Variants in DPP10 observed in about 807,000 individuals in gnomAD.
The protein encoded by DPP10 is inactive dipeptidyl peptidase 10.
DPP10 carries 33 observed loss-of-function variants against 120.9 expected under a neutral mutation model. The ratio of observed to expected loss-of-function variants is 0.27; its 90% CI spans 0.21 to 0.37. The LOEUF (loss-of-function observed/expected upper bound fraction) is 0.37, where lower values mean the gene tolerates loss of function less well. DPP10 is among the 10% of genes least tolerant of loss of function. The pLI is 1.00. For missense variants in DPP10, 816 were observed against 942.8 expected, an observed-to-expected ratio of 0.87 and a Z score of 1.76; for synonymous variants, 337 against 326.1, an observed-to-expected ratio of 1.03 and a Z score of -0.36.
chr2:115,791,949 A>T (rs1684037460), intron 19 of DPP10, among the ~76,000 whole-genome samples: 1 of 152,178 alleles, frequency 6.6e-6, no homozygotes, highest in Admixed American at 6.5e-5. Flanking sequence ...TGAGAGTTAT[A>T]AGTTATTTCC....
chr2:115,733,866 G>A (rs1482073412), intron 8 of DPP10, among the ~76,000 whole-genome samples: 5 of 152,126 alleles, frequency 3.3e-5, no homozygotes, highest in Non-Finnish European at 7.4e-5. Flanking sequence ...AAACGATGAA[G>A]AGCCAAACGT....
At chr2:115,396,339 C>T (rs567636914) in intron 3 of DPP10, among the ~76,000 whole-genome samples, 6 of 152,222 alleles carry the variant, frequency 3.9e-5, no homozygotes, top group East Asian at 3.9e-4. Context: ...AAATACTGTC[C>T]GAGTATATTA....
At chr2:115,394,954 G>A (rs1364181770) in intron 3 of DPP10, among the ~76,000 whole-genome samples, 1 of 152,170 alleles carries the variant, frequency 6.6e-6, no homozygotes, top group Admixed American at 6.5e-5. Flanking sequence ...ATAATTTGAT[G>A]ATGGAAAAAT....
intron 19 of DPP10, 101 bp downstream of exon 19, chr2:115,791,457 G>A: frequency 9.7e-7 from 1 of 1,029,658 alleles, no homozygotes; most frequent in Non-Finnish European, 1.4e-6. Context: ...GAAGTCCTAT[G>A]TGTGTAGTTA....
At chr2:115,171,875 ATGCATCTTCTGTACTT>A (rs747734973) in intron 1 of DPP10, among the ~76,000 whole-genome samples, 3 of 152,182 alleles carry the variant, frequency 2.0e-5, no homozygotes, top group Non-Finnish European at 4.4e-5. Context: ...AGAAGTGCAT[ATGCATCTTCTGTACTT>A]TGCCATGGCA....
rs1322910893 is a variant in DPP10 at position 115,842,467 on chromosome 2, G to A, written c.*122G>A. 3 of 1,195,056 alleles carry A rather than the reference G, an allele frequency of 2.5e-6. No homozygotes were observed. The highest frequency in any genetic ancestry group is 2.2e-5 in the Admixed American group (1 of 44,678). 74.0% of individuals were successfully genotyped at this position (1,195,056 alleles called of 1,614,324 possible). A position where few individuals can be genotyped will look rare whatever the true frequency, so the allele number is the denominator to read the frequency against. On this transcript the variant is annotated 3_prime_UTR_variant, in exon 26 of 26. Coordinates refer to ENST00000410059, the MANE Select transcript of DPP10 (RefSeq NM_020868.6). Reference sequence around the variant, plus strand: ...AGCTTACGGAGATGTCACTGGAGCAGCACGCTCAGAGACAGTGAACTAGCA... The same window carrying A: ...AGCTTACGGAGATGTCACTGGAGCAACACGCTCAGAGACAGTGAACTAGCA...
At chr2:115,533,359 C>G (rs2078591200) in intron 5 of DPP10, among the ~76,000 whole-genome samples, 2 of 152,074 alleles carry the variant, frequency 1.3e-5, no homozygotes, top group Non-Finnish European at 2.9e-5. Flanking sequence ...TATCTGTCCT[C>G]TAAATTCGAT....
chr2:115,759,263 A>G (rs2149780414), intron 11 of DPP10, among the ~76,000 whole-genome samples: 1 of 152,218 alleles, frequency 6.6e-6, no homozygotes, highest in East Asian at 1.9e-4. Context: ...CATATGAAAA[A>G]GTACTCAACA....
intron 1 of DPP10, among the ~76,000 whole-genome samples, chr2:114,748,357 T>TTTTTG (rs1553418241): frequency 7.9e-6 from 1 of 126,602 alleles, no homozygotes; most frequent in Non-Finnish European, 1.6e-5. Flanking sequence ...TTTTATTTTT[T>TTTTTG]TTTATTTTAT....
intron 1 of DPP10, among the ~76,000 whole-genome samples, chr2:115,272,927 T>C (rs1181506271): frequency 6.6e-6 from 1 of 152,242 alleles, no homozygotes; most frequent in East Asian, 1.9e-4. Flanking sequence ...CAAACATTAC[T>C]TCAATCAGAT....
chr2:114,568,941 G>T (rs1246298541), intron 1 of DPP10, among the ~76,000 whole-genome samples: 3 of 152,100 alleles, frequency 2.0e-5, no homozygotes, highest in African/African-American at 7.2e-5. Flanking sequence ...TACATAAATA[G>T]AATTTATGTG....
Position 114,681,679 on chromosome 2 carries a change from A to G in DPP10, c.60+238841A>G, listed in dbSNP as rs1004147648. ...AAAAAAGAAGAAAATGCTTTGAAAG[A>G]ATACATTTTACAAAGCCGGTAGTAG... On this transcript the variant is annotated intron_variant, in intron 1 of 25. Coordinates refer to ENST00000410059, the MANE Select transcript of DPP10 (RefSeq NM_020868.6). Among the ~76,000 whole-genome samples, 15 of 152,150 alleles carry G rather than the reference A, an allele frequency of 9.9e-5. 1 individual carries two copies. Among genetic ancestry groups the G allele is most frequent in the South Asian group, 2.1e-4 (1 of 4,824 alleles).
chr2:115,467,733 A>G (rs1409137267), intron 3 of DPP10, among the ~76,000 whole-genome samples: 1 of 152,232 alleles, frequency 6.6e-6, no homozygotes, highest in Non-Finnish European at 1.5e-5. Context: ...TATTATTAGA[A>G]TAATGACACT....
intron 1 of DPP10, among the ~76,000 whole-genome samples, chr2:114,499,454 A>T (rs974045509): frequency 1.3e-5 from 2 of 152,228 alleles, no homozygotes; most frequent in East Asian, 1.9e-4. Flanking sequence ...TAAGCTGGAC[A>T]ACTCTATAGT....
intron 10 of DPP10, among the ~76,000 whole-genome samples, chr2:115,752,704 A>G (rs1678900907): frequency 6.6e-6 from 1 of 152,176 alleles, no homozygotes; most frequent in African/African-American, 2.4e-5. Flanking sequence ...TAAGCCAGGA[A>G]TAATCTTTGC....
intron 5 of DPP10, among the ~76,000 whole-genome samples, chr2:115,620,221 G>A (rs1353451281): frequency 6.6e-6 from 1 of 152,120 alleles, no homozygotes; most frequent in African/African-American, 2.4e-5. Flanking sequence ...GACTTTCCAC[G>A]TGATCTTTCT....
intron 1 of DPP10, among the ~76,000 whole-genome samples, chr2:114,779,703 A>G (rs1003918766): frequency 6.6e-6 from 1 of 152,152 alleles, no homozygotes; most frequent in African/African-American, 2.4e-5. Flanking sequence ...AGGATGCCCA[A>G]CCTTGCGCTA....
At chr2:115,341,473 A>G (rs1248002833) in intron 2 of DPP10, among the ~76,000 whole-genome samples, 9 of 152,030 alleles carry the variant, frequency 5.9e-5, no homozygotes, top group East Asian at 3.9e-4. Context: ...TTGTCACCCA[A>G]GGTCTGTTTG....
At chr2:115,549,469 C>G (rs2079738605) in intron 5 of DPP10, among the ~76,000 whole-genome samples, 1 of 152,106 alleles carries the variant, frequency 6.6e-6, no homozygotes, top group Admixed American at 6.6e-5. Flanking sequence ...TTCATGCATT[C>G]TTTCCCTATT....
Sources: gnomAD v4.1 joint callset for allele counts (sites outside exome capture counted in the v4.1 genomes callset) on GRCh38, gnomAD v4.1.1 for gene constraint, MANE v1.5 for transcripts, NCBI Gene and HGNC (gene_info 2026-07-23, HGNC 2026-07-21) for gene names.